STAT2: variants seen among roughly 807,000 people sequenced by gnomAD.
STAT2 encodes interferon alpha induced transcriptional activator.
Under a neutral mutation model 122.3 loss-of-function variants are expected in STAT2, and 51 were observed. That is an observed-to-expected ratio of 0.42 (90% CI 0.33 to 0.53). The LOEUF (loss-of-function observed/expected upper bound fraction) is 0.53, where lower values mean the gene tolerates loss of function less well. STAT2 is among the 20% of genes least tolerant of loss of function. The pLI is 0.10. For synonymous variants in STAT2, 351 were observed against 394.9 expected, an observed-to-expected ratio of 0.89 and a Z score of 1.32; for missense variants, 736 against 1,010.3, an observed-to-expected ratio of 0.73 and a Z score of 3.68.
intron 13 of STAT2, 108 bp downstream of exon 13, chr12:56,349,989 C>A (rs1394209387): frequency 4.0e-6 from 4 of 995,952 alleles, no homozygotes; most frequent in Non-Finnish European, 4.6e-6. Flanking sequence ...GCGGAGGTTG[C>A]TGTGAGCCAA....
chr12:56,355,868 C>T (rs1293619174), intron 3 of STAT2, 65 bp from the exon 4 acceptor site: 2 of 1,495,244 alleles, frequency 1.3e-6, no homozygotes, highest in East Asian at 4.5e-5. Flanking sequence ...TTGCCCTAGA[C>T]CCTCCCCACC....
At chr12:56,345,524 A>AAATATATATATAT (rs1555169410) in intron 22 of STAT2, among the ~76,000 whole-genome samples, 1 of 26,250 alleles carries the variant, frequency 3.8e-5, no homozygotes, top group African/African-American at 5.3e-4. Flanking sequence ...AAAAAAAAAA[A>AAATATATATATAT]ATATATATAT....
At position 56,355,792 on chromosome 12, in the gene STAT2, C is replaced by G. The variant is rs367793690; in HGVS notation, c.297G>C (p.Gln99His). Residue 99 changes from glutamine (Q) to histidine (H), a missense_variant, in exon 4 of 24, where the codon CAG (glutamine) becomes CAC (histidine). Coordinates refer to ENST00000314128, the MANE Select transcript of STAT2 (RefSeq NM_005419.4). ...KFCRDIQPFSQDPTQLAEMIF... is the reference protein window; with the variant it reads ...KFCRDIQPFSHDPTQLAEMIF... ...TCATCTCAGCCAACTGGGTAGGATC[C>G]TGGGAAAAGGGCTAGAATAGGTAAA... is the stretch of plus-strand genomic sequence containing the variant. 10 of 1,614,016 alleles carry G rather than the reference C, an allele frequency of 6.2e-6. No homozygotes were observed. The African/African-American group carries it at 1.1e-4, about 17-fold the overall frequency.
chr12:56,351,035 G>A, intron 10 of STAT2, 63 bp downstream of exon 10: 1 of 1,591,420 alleles, frequency 6.3e-7, no homozygotes, highest in South Asian at 1.1e-5. Context: ...GAGCTGTAAA[G>A]CCAGAAAATA....
rs577846690 is a variant in STAT2, at chr12:56,349,078, T to C, written c.1441-19A>G. The C allele has an allele frequency of 6.3e-5, 101 of 1,613,512 alleles. 1 individual carries two copies. In the South Asian group the frequency reaches 1.1e-3, roughly 17 times the overall value. Reference sequence around the variant, plus strand: ...GCTGGTTCTGCAGGGGTGGGAGCAGTGTAGGCTGGCTCAGAAGCAACCTAT... The same window carrying C: ...GCTGGTTCTGCAGGGGTGGGAGCAGCGTAGGCTGGCTCAGAAGCAACCTAT... On this transcript the variant is annotated intron_variant, in intron 16 of 23. Coordinates refer to ENST00000314128, the MANE Select transcript of STAT2 (RefSeq NM_005419.4).
rs1194953634 is a variant in STAT2, at chr12:56,345,495, CAAAAAAAAAAAAAAAAAA to C, written c.2102+633_2102+650del. On this transcript the variant is annotated intron_variant, in intron 22 of 23. Transcript: ENST00000314128. ...AGCCTGGATAACAGAGACCCTGTCT[CAAAAAAAAAAAAAAAAAA>C]AAAAAAAAAAAATATATATATATGC... 4.4e-4 allele frequency among the ~76,000 whole-genome samples: 2 copies of C among 4,584 alleles called. 1 individual carries two copies. The highest frequency in any genetic ancestry group is 6.5e-4 in the Non-Finnish European group (2 of 3,068). The allele number at this position is 4,584 out of a possible 152,430, so 3.0% of individuals were successfully genotyped here.
In STAT2 at chr12:56,346,554, G is replaced by T; in HGVS notation, c.1932C>A (p.Ile644=). ...CAGTGAGCAACTGGTAATGGCGGAT[G>T]ATTTCAGTCAGCGGGAGTGACTGCA... ...EVLQSLPLTE[I]IRHYQLLTEE... is the part of the protein sequence containing the mutation. Residue 644 remains isoleucine, a synonymous_variant, in exon 21 of 24, where the codon ATC becomes ATA. Transcript: ENST00000314128. The T allele has an allele frequency of 6.2e-7, 1 of 1,614,224 alleles. No individual in the cohort carries two copies. Among genetic ancestry groups the T allele is most frequent in the Non-Finnish European group, 8.5e-7 (1 of 1,180,044 alleles).
At chr12:56,356,098 G>T in intron 3 of STAT2, 34 bp downstream of exon 3, 1 of 1,607,672 alleles carries the variant, frequency 6.2e-7, no homozygotes, top group South Asian at 1.1e-5. Flanking sequence ...TCAGCTCCCA[G>T]TGCTACCCCA....
At position 56,354,016 on chromosome 12, in the gene STAT2, AATAT is replaced by A. The variant is rs1555171512; in HGVS notation, c.782+446_782+449del. On this transcript the variant is annotated intron_variant, in intron 8 of 23. Coordinates refer to ENST00000314128, the MANE Select transcript of STAT2 (RefSeq NM_005419.4). ...GTCTCAAAAAAAAAAAAAAAAAAAA[AATAT>A]ATATATATATATATATATATAAAAA... Among the ~76,000 whole-genome samples, 9 of 16,698 alleles carry A rather than the reference AATAT, an allele frequency of 5.4e-4. 1 individual carries two copies. In the South Asian group the frequency reaches 0.031, roughly 57 times the overall value. The allele number at this position is 16,698 out of a possible 152,430, so 11.0% of individuals were successfully genotyped here. A position where few individuals can be genotyped will look rare whatever the true frequency, so the allele number is the denominator to read the frequency against.
At chr12:56,355,143 C>A in intron 6 of STAT2, 133 bp downstream of exon 6, 2 of 1,067,044 alleles carry the variant, frequency 1.9e-6, no homozygotes, top group East Asian at 2.4e-5. Context: ...CAGCTTTGCA[C>A]GGCAGCAGGA....
intron 8 of STAT2, chr12:56,352,391 G>GGGGGT: frequency 7.7e-6 from 1 of 130,310 alleles, no homozygotes; most frequent in African/African-American, 2.8e-5. Flanking sequence ...GGGGGTGGGG[G>GGGGGT]TGGTTTCTGG....
chr12:56,355,643 T>C, intron 4 of STAT2, 65 bp downstream of exon 4: 4 of 1,596,668 alleles, frequency 2.5e-6, no homozygotes, highest in Non-Finnish European at 1.7e-6. Context: ...GACAACTCCC[T>C]GAGTCCTTTC....
At chr12:56,350,492 C>G (rs11575234) in intron 11 of STAT2, 60 bp from the exon 12 acceptor site, 132,447 of 1,509,058 alleles carry the variant, frequency 0.088, 13,808 homozygotes, top group African/African-American at 0.53. Flanking sequence ...TTAGGAGTTT[C>G]GTCTTTGGGA....
intron 6 of STAT2, 154 bp downstream of exon 6, chr12:56,355,122 C>G (rs1373454778): frequency 1.1e-6 from 1 of 900,604 alleles, no homozygotes; most frequent in Admixed American, 2.4e-5. Context: ...TCAGCCTCCA[C>G]AAAGCACTTC....
At position 56,348,851 on chromosome 12, in the gene STAT2, C is replaced by A. The variant is rs757249476; in HGVS notation, c.1577-47G>T. On this transcript the variant is annotated intron_variant, in intron 17 of 23. Transcript: ENST00000314128. ...ACAGATGATGAGGGAAGCCAGGGGT[C>A]CTGGGATAGATAGGACAGAGGGACA... is the stretch of plus-strand genomic sequence containing the variant. 11 of 1,613,944 alleles carry A rather than the reference C, an allele frequency of 6.8e-6. No homozygotes were observed. The Admixed American group carries it at 1.0e-4, about 15-fold the overall frequency.
rs868825629 is a variant in STAT2 at position 56,345,522 on chromosome 12, A to T, written c.2102+624T>A. On this transcript the variant is annotated intron_variant, in intron 22 of 23. Transcript: ENST00000314128. ...AAAAAAAAAAAAAAAAAAAAAAAAA[A>T]AAATATATATATATGCGGGGTGTGG... 5.2e-3 allele frequency among the ~76,000 whole-genome samples: 124 copies of T among 23,630 alleles called. 7 individuals carry two copies. The highest frequency in any genetic ancestry group is 0.036 in the African/African-American group (58 of 1,626). The allele number at this position is 23,630 out of a possible 152,430, so 15.5% of individuals were successfully genotyped here.
At chr12:56,347,267 C>T (rs917008880) in intron 19 of STAT2, among the ~76,000 whole-genome samples, 1 of 150,996 alleles carries the variant, frequency 6.6e-6, no homozygotes, top group Non-Finnish European at 1.5e-5. Flanking sequence ...CAGCTCACTG[C>T]CACCTCGACC....
Position 56,346,824 on chromosome 12 carries a change from T to A in STAT2, c.1856A>T (p.Asp619Val). ...GGCAGGGCAGAGCAGCTGACCATCA[T>A]CCTGGTGCTCCACCCAGGAGCAGGT... ...GITCSWVEHQ[D>V]DDKVLIYSVQ... Residue 619 changes from aspartate to valine, a missense_variant, in exon 20 of 24, where the codon GAT becomes GTT. By Grantham distance (152) the Asp-to-Val change is radical. Transcript: ENST00000314128. 1 of 1,614,158 alleles carries A rather than the reference T, an allele frequency of 6.2e-7. No individual in the cohort carries two copies. The highest frequency in any genetic ancestry group is 8.5e-7 in the Non-Finnish European group (1 of 1,180,006).
At chr12:56,354,016 A>AAAAAATATAT (rs71081350) in intron 8 of STAT2, among the ~76,000 whole-genome samples, 1 of 16,700 alleles carries the variant, frequency 6.0e-5, no homozygotes, top group African/African-American at 1.1e-4. Context: ...AAAAAAAAAA[A>AAAAAATATAT]ATATATATAT....
Sources: gnomAD v4.1 joint callset for allele counts (sites outside exome capture counted in the v4.1 genomes callset) on GRCh38, gnomAD v4.1.1 for gene constraint, MANE v1.5 for transcripts, NCBI Gene and HGNC (gene_info 2026-07-23, HGNC 2026-07-21) for gene names.